The following PEAK1 variants were observed in gnomAD, a reference collection of about 807,000 sequenced individuals.
The protein encoded by PEAK1 is inactive tyrosine-protein kinase PEAK1.
Under a neutral mutation model 124.7 loss-of-function variants are expected in PEAK1, and 54 were observed. That is an observed-to-expected ratio of 0.43 (90% CI 0.35 to 0.54). The LOEUF (loss-of-function observed/expected upper bound fraction) is 0.54, where lower values mean the gene tolerates loss of function less well. PEAK1 is among the 20% of genes least tolerant of loss of function. The probability of loss-of-function intolerance (pLI) is 0.01; values close to 1 mark genes in which losing one functional copy is unlikely to be tolerated. For synonymous variants in PEAK1, 719 were observed against 760.0 expected (o/e 0.95, Z 0.89); for missense variants, 2,046 against 2,134.5 (o/e 0.96, Z 0.82).
chr15:77,420,763 C>T (rs2073299304), upstream of PEAK1: 2 of 397,804 alleles, frequency 5.0e-6, no homozygotes, highest in South Asian at 1.3e-4. Context: ...TTTCATTTTT[C>T]TTCTCACCGG....
chr15:77,113,964 T>C lies in PEAK1; in HGVS notation c.*192A>G, dbSNP rs1244596132. On this transcript the variant is annotated 3_prime_UTR_variant, in exon 10 of 10. Transcript: ENST00000682557. ...TTTGTGCAGCTGAATTTCTGTAAAG[T>C]TAAGACAGACTCAGCTTCTCATTCA... 3.2e-6 allele frequency: 2 copies of C among 616,236 alleles called. No homozygotes were observed. The highest frequency in any genetic ancestry group is 5.6e-6 in the Non-Finnish European group (2 of 359,486). 38.2% of individuals were successfully genotyped at this position (616,236 alleles called of 1,614,324 possible).
chr15:77,126,769 T>C (rs1346586690), intron 9 of PEAK1, among the ~76,000 whole-genome samples: 1 of 152,190 alleles, frequency 6.6e-6, no homozygotes, highest in Non-Finnish European at 1.5e-5. Context: ...GTCAGCTGAC[T>C]CCAAAGCTCT....
chr15:77,229,333 A>G (rs1293278022), intron 6 of PEAK1, among the ~76,000 whole-genome samples: 1 of 152,214 alleles, frequency 6.6e-6, no homozygotes, highest in East Asian at 1.9e-4. Flanking sequence ...TGCACTAGGT[A>G]TGATTTTGTT....
chr15:77,404,305 C>CT, intron 1 of PEAK1: 1 of 985,380 alleles, frequency 1.0e-6, no homozygotes, highest in Non-Finnish European at 1.2e-6. Context: ...ATTGCATCTT[C>CT]TGGGGGGAAA....
chr15:77,407,991 A>G (rs2072010635), intron 1 of PEAK1, among the ~76,000 whole-genome samples: 1 of 151,216 alleles, frequency 6.6e-6, no homozygotes, highest in Admixed American at 6.6e-5. Context: ...ATACATATAT[A>G]CACATACACA....
At chr15:77,159,934 C>T (rs1428066708) in intron 7 of PEAK1, among the ~76,000 whole-genome samples, 2 of 152,138 alleles carry the variant, frequency 1.3e-5, no homozygotes, top group African/African-American at 4.8e-5. Flanking sequence ...GTTGGCAGAG[C>T]CAGAGGTCTC....
chr15:77,226,044 G>GATATATATAATATATAATATATAT (rs57675196), intron 6 of PEAK1, among the ~76,000 whole-genome samples: 1 of 44,998 alleles, frequency 2.2e-5, no homozygotes, highest in Non-Finnish European at 4.8e-5. Flanking sequence ...AAAATAAAGG[G>GATATATATAATATATAATATATAT]ATATATATAT....
intron 2 of PEAK1, among the ~76,000 whole-genome samples, chr15:77,323,186 G>A (rs1379531981): frequency 6.6e-6 from 1 of 152,134 alleles, no homozygotes; most frequent in African/African-American, 2.4e-5. Flanking sequence ...ATACTGAATG[G>A]GCAAAAACTG....
At chr15:77,141,159 A>C (rs923690515) in intron 8 of PEAK1, among the ~76,000 whole-genome samples, 1 of 152,214 alleles carries the variant, frequency 6.6e-6, no homozygotes, top group African/African-American at 2.4e-5. Flanking sequence ...ATCCACACAC[A>C]AAAAAACTAT....
chr15:77,384,087 C>A (rs1186916104), intron 1 of PEAK1, among the ~76,000 whole-genome samples: 1 of 152,002 alleles, frequency 6.6e-6, no homozygotes. Flanking sequence ...AGTGGGGTTT[C>A]CCTTATTTAC....
chr15:77,414,348 T>A (rs887150373), intron 1 of PEAK1, among the ~76,000 whole-genome samples: 1 of 151,176 alleles, frequency 6.6e-6, no homozygotes, highest in Non-Finnish European at 1.5e-5. Context: ...TAGGTGGGAC[T>A]ACAGGTGTGC....
chr15:77,332,846 C>T (rs1597333948), intron 2 of PEAK1, among the ~76,000 whole-genome samples: 1 of 151,230 alleles, frequency 6.6e-6, no homozygotes, highest in African/African-American at 2.4e-5. Flanking sequence ...TTAAAAGGCA[C>T]TTCATTTTTT....
Position 77,115,309 on chromosome 15 carries a change from C to T in PEAK1, c.4088G>A (p.Ser1363Asn). 6.2e-7 allele frequency: 1 copy of T among 1,611,672 alleles called. No homozygotes were observed. The highest frequency in any genetic ancestry group is 1.3e-5 in the African/African-American group (1 of 74,988). ...LNNYAVKICKSKAKESQQYYH... is the reference protein window; with the variant it reads ...LNNYAVKICKNKAKESQQYYH... ...ATACTGCTGAGATTCTTTAGCTTTG[C>T]TCTTACAGATCTGAAAGATAATAAA... Residue 1363 changes from serine to asparagine, a missense_variant, in exon 10 of 10, where the codon AGC (serine) becomes AAC (asparagine). Ser to Asn is a conservative substitution (Grantham distance 46). Coordinates refer to ENST00000682557, the MANE Select transcript of PEAK1 (RefSeq NM_001385026.1).
intron 1 of PEAK1, among the ~76,000 whole-genome samples, chr15:77,414,268 G>A (rs531384547): frequency 2.0e-5 from 2 of 101,158 alleles, no homozygotes; most frequent in South Asian, 3.2e-4. Flanking sequence ...GGAGTGCAGT[G>A]GCACAATCAC....
At position 77,408,272 on chromosome 15, in the gene PEAK1, G is replaced by A. The variant is rs576658811; in HGVS notation, c.-666+11734C>T. 2.0e-5 allele frequency among the ~76,000 whole-genome samples: 3 copies of A among 151,818 alleles called. No individual in the cohort carries two copies. The South Asian group carries it at 6.2e-4, about 32-fold the overall frequency. ...ATGGAATTGGAGACCATTATTCTAA[G>A]TGAAGTAACTCAGGAATGGAAAACC... On this transcript the variant is annotated intron_variant, in intron 1 of 9. Transcript: ENST00000682557.
rs2050884522 is a variant in PEAK1 at position 77,109,848 on chromosome 15, G to A, written c.*4308C>T. On this transcript the variant is annotated 3_prime_UTR_variant, in exon 10 of 10. Transcript: ENST00000682557. ...TCCAGTTTGTCTCACCCCTCTCCAA[G>A]AATGTTCATACTATATTTACACATC... The A allele has an allele frequency of 6.6e-6, 1 of 152,156 alleles. No individual in the cohort carries two copies. The highest frequency in any genetic ancestry group is 2.4e-5 in the African/African-American group (1 of 41,418). 9.4% of individuals were successfully genotyped at this position (152,156 alleles called of 1,614,324 possible).
exon 7 of PEAK1, chr15:77,101,536 T>C (rs1389804206): frequency 6.6e-6 from 1 of 152,228 alleles, no homozygotes; most frequent in Non-Finnish European, 1.5e-5. Context: ...CTGTGTCCTT[T>C]CATCCTGACA....
chr15:77,141,907 A>G (rs1171232063), intron 8 of PEAK1, among the ~76,000 whole-genome samples: 1 of 152,194 alleles, frequency 6.6e-6, no homozygotes, highest in Non-Finnish European at 1.5e-5. Flanking sequence ...ACGTAGGAAT[A>G]AATCTTTGCA....
At position 77,385,340 on chromosome 15, in the gene PEAK1, A is replaced by G. The variant is rs191603788; in HGVS notation, c.-665-20115T>C. On this transcript the variant is annotated intron_variant, in intron 1 of 9. Transcript: ENST00000682557. ...TTTAAAGTTTTGCAAATAGAAGACA[A>G]TTGTTTTATTTTCAATGATGCTGTT... Among the ~76,000 whole-genome samples the G allele has an allele frequency of 9.5e-4, 144 of 152,318 alleles. 1 individual carries two copies. Among genetic ancestry groups the G allele is most frequent in the African/African-American group, 3.4e-3 (141 of 41,568 alleles).
Sources: allele counts gnomAD v4.1 joint callset (sites outside exome capture counted in the v4.1 genomes callset), GRCh38; gene constraint gnomAD v4.1.1; transcripts MANE v1.5; gene names NCBI Gene and HGNC (gene_info 2026-07-23, HGNC 2026-07-21).